The following GSTCD variants were observed in gnomAD, a reference collection of about 807,000 sequenced individuals.
GSTCD encodes glutathione S-transferase C-terminal domain containing, also known as glutathione S-transferase C-terminal domain-containing protein.
In GSTCD, 44 loss-of-function variants were observed where a neutral mutation model predicts 68.3. The ratio of observed to expected loss-of-function variants is 0.64; its 90% confidence interval spans 0.51 to 0.83. GSTCD has a LOEUF of 0.83. GSTCD is among the 40% of genes least tolerant of loss of function. The probability of loss-of-function intolerance (pLI) is 0.00; values close to 1 mark genes in which losing one functional copy is unlikely to be tolerated. For synonymous variants in GSTCD, 273 were observed against 255.2 expected (o/e 1.07, Z -0.67); for missense variants, 739 against 735.9 (o/e 1.00, Z -0.05).
intron 5 of GSTCD, among the ~76,000 whole-genome samples, chr4:105,730,938 C>T (rs994672321): frequency 1.3e-5 from 2 of 152,100 alleles, no homozygotes; most frequent in African/African-American, 2.4e-5. Flanking sequence ...AGGAAGGGAT[C>T]GAGTTTCAGC....
intron 3 of GSTCD, among the ~76,000 whole-genome samples, chr4:105,724,732 A>C (rs1732975590): frequency 6.6e-6 from 1 of 151,992 alleles, no homozygotes; most frequent in South Asian, 2.1e-4. Flanking sequence ...AAATACATCA[A>C]TGATTGCAGA....
intron 3 of GSTCD, 145 bp from the exon 4 acceptor site, chr4:105,726,433 TG>T: frequency 1.8e-6 from 1 of 570,600 alleles, no homozygotes. Context: ...TAAAACTAGA[TG>T]GTTGATAACT....
intron 8 of GSTCD, among the ~76,000 whole-genome samples, chr4:105,829,379 G>A (rs982252788): frequency 6.6e-6 from 1 of 152,012 alleles, no homozygotes; most frequent in Non-Finnish European, 1.5e-5. Flanking sequence ...GGAAGATAGA[G>A]ACCTGTATTA....
In GSTCD at chr4:105,845,667, A is replaced by G; in HGVS notation, c.*90A>G. 7.4e-7 allele frequency: 1 copy of G among 1,354,314 alleles called. No homozygotes were observed. Among genetic ancestry groups the G allele is most frequent in the Non-Finnish European group, 1.0e-6 (1 of 961,098 alleles). The allele number at this position is 1,354,314 out of a possible 1,614,324, so 83.9% of individuals were successfully genotyped here. A position where few individuals can be genotyped will look rare whatever the true frequency, so the allele number is the denominator to read the frequency against. ...GAGGTTCTTGGCATAACTAGGAAAC[A>G]GCATTAGCCATCTTGAACCTATTGT... On this transcript the variant is annotated 3_prime_UTR_variant, in exon 12 of 12. Transcript: ENST00000515279.
intron 5 of GSTCD, among the ~76,000 whole-genome samples, chr4:105,759,434 G>A (rs1184368202): frequency 6.6e-6 from 1 of 152,084 alleles, no homozygotes; most frequent in Non-Finnish European, 1.5e-5. Context: ...GAGGCTGTTG[G>A]TCCATTTGTC....
At chr4:105,716,414 AG>A (rs1055234443) in intron 1 of GSTCD, among the ~76,000 whole-genome samples, 31 of 152,188 alleles carry the variant, frequency 2.0e-4, no homozygotes, top group African/African-American at 6.8e-4. Flanking sequence ...CTAGTGTTTT[AG>A]CAAGGGTCCC....
intron 5 of GSTCD, among the ~76,000 whole-genome samples, chr4:105,813,805 A>C (rs1055995332): frequency 1.3e-5 from 2 of 152,146 alleles, no homozygotes; most frequent in African/African-American, 4.8e-5. Flanking sequence ...TACCTGCTCA[A>C]TGATGGCTTC....
intron 5 of GSTCD, among the ~76,000 whole-genome samples, chr4:105,734,399 T>A (rs992472401): frequency 1.3e-5 from 2 of 152,242 alleles, no homozygotes; most frequent in Non-Finnish European, 2.9e-5. Flanking sequence ...TTTACTCTTT[T>A]TTCTCTAAAC....
In GSTCD at chr4:105,785,812, A is replaced by C. The variant is rs189764212; in HGVS notation, c.1241-37142A>C. Among the ~76,000 whole-genome samples, 317 of 152,300 alleles carry C rather than the reference A, an allele frequency of 2.1e-3. 1 individual carries two copies. The highest frequency in any genetic ancestry group is 6.6e-3 in the South Asian group (32 of 4,824). On this transcript the variant is annotated intron_variant, in intron 5 of 11. Transcript: ENST00000515279. ...TTGGAAAAAGAGAAGGGAGAAAACTATCTCTATTTGCAGATAACATGATCT... is the reference window on the plus strand; with the variant it reads ...TTGGAAAAAGAGAAGGGAGAAAACTCTCTCTATTTGCAGATAACATGATCT...
chr4:105,780,321 C>T (rs543907701), intron 5 of GSTCD, among the ~76,000 whole-genome samples: 2 of 152,186 alleles, frequency 1.3e-5, no homozygotes, highest in South Asian at 2.1e-4. Context: ...ATTCGCCTGC[C>T]TTGTTCATTG....
At chr4:105,747,641 C>G (rs1934315034) in intron 5 of GSTCD, among the ~76,000 whole-genome samples, 3 of 152,074 alleles carry the variant, frequency 2.0e-5, no homozygotes, top group African/African-American at 7.2e-5. Context: ...TTGTGCATAT[C>G]TCTGTGCCAT....
intron 5 of GSTCD, among the ~76,000 whole-genome samples, chr4:105,800,734 G>A (rs948248386): frequency 6.6e-6 from 1 of 152,098 alleles, no homozygotes; most frequent in Non-Finnish European, 1.5e-5. Flanking sequence ...ATTCGTAGTA[G>A]TTATGTTTTA....
At chr4:105,731,127 A>C (rs966184231) in intron 5 of GSTCD, among the ~76,000 whole-genome samples, 5 of 152,132 alleles carry the variant, frequency 3.3e-5, no homozygotes, top group Middle Eastern at 3.2e-3. Context: ...TGTTTTGGTT[A>C]CTGTAGCCTT....
At chr4:105,752,705 A>G (rs192042331) in intron 5 of GSTCD, among the ~76,000 whole-genome samples, 36 of 152,184 alleles carry the variant, frequency 2.4e-4, no homozygotes, top group Middle Eastern at 3.4e-3. Context: ...GAAAATTACC[A>G]TGGTTTATTT....
chr4:105,839,937 C>A (rs1724271804), intron 10 of GSTCD, among the ~76,000 whole-genome samples: 1 of 152,148 alleles, frequency 6.6e-6, no homozygotes. Flanking sequence ...CAGTCATAAC[C>A]TTTATCTACT....
At chr4:105,774,732 A>G (rs1332661414) in intron 5 of GSTCD, among the ~76,000 whole-genome samples, 1 of 152,134 alleles carries the variant, frequency 6.6e-6, no homozygotes, top group Non-Finnish European at 1.5e-5. Context: ...TGTTAGTCTG[A>G]CGGGCTTCCC....
At chr4:105,795,548 A>G (rs1735851731) in intron 5 of GSTCD, among the ~76,000 whole-genome samples, 2 of 152,066 alleles carry the variant, frequency 1.3e-5, no homozygotes, top group Non-Finnish European at 1.5e-5. Flanking sequence ...CACAAAGTTC[A>G]TACCTGTGTG....
At chr4:105,729,245 G>T (rs754809142) in intron 4 of GSTCD, among the ~76,000 whole-genome samples, 161 bp from the exon 5 acceptor site, 4 of 152,098 alleles carry the variant, frequency 2.6e-5, no homozygotes, top group Non-Finnish European at 5.9e-5. Context: ...TCAACACATG[G>T]TATTTTTATT....
At chr4:105,821,563 C>G (rs1232609120) in intron 5 of GSTCD, among the ~76,000 whole-genome samples, 1 of 151,686 alleles carries the variant, frequency 6.6e-6, no homozygotes, top group African/African-American at 2.4e-5. Context: ...TTCATCCATG[C>G]TAAATAATTA....
Sources: allele counts gnomAD v4.1 joint callset (sites outside exome capture counted in the v4.1 genomes callset), GRCh38; gene constraint gnomAD v4.1.1; transcripts MANE v1.5; gene names NCBI Gene and HGNC (gene_info 2026-07-23, HGNC 2026-07-21).